Variants in DMXL1 observed in about 807,000 individuals in gnomAD.
The protein encoded by DMXL1 is Dmx like 1, also known as dmX-like protein 1.
A neutral mutation model predicts 319.2 loss-of-function variants in DMXL1; 99 were observed. That is an observed-to-expected ratio of 0.31 (90% CI 0.26 to 0.37). DMXL1 has a LOEUF of 0.37. Among genes scored for constraint, DMXL1 ranks in the 10% least tolerant of loss-of-function variants. The probability of loss-of-function intolerance (pLI) is 1.00; values close to 1 mark genes in which losing one functional copy is unlikely to be tolerated. For missense variants in DMXL1, 3,745 were observed against 3,595.6 expected (o/e 1.04, Z -1.06); for synonymous variants, 1,385 against 1,235.2 (o/e 1.12, Z -2.54).
intron 4 of DMXL1, among the ~76,000 whole-genome samples, 196 bp downstream of exon 4, chr5:119,105,454 T>G (rs1758126502): frequency 6.6e-6 from 1 of 152,202 alleles, no homozygotes; most frequent in Non-Finnish European, 1.5e-5. Flanking sequence ...GAGAATGTTC[T>G]AAGTGCCATA....
At chr5:119,199,584 T>G (rs987571978) in intron 32 of DMXL1, among the ~76,000 whole-genome samples, 2 of 152,174 alleles carry the variant, frequency 1.3e-5, no homozygotes, top group African/African-American at 4.8e-5. Flanking sequence ...ATATACCCAG[T>G]AATGGGTTTG....
chr5:119,209,087 C>T (rs1418388082), intron 34 of DMXL1, among the ~76,000 whole-genome samples: 3 of 152,164 alleles, frequency 2.0e-5, no homozygotes, highest in Non-Finnish European at 4.4e-5. Flanking sequence ...ATGGATATAC[C>T]ATAGTTTATT....
chr5:119,206,333 C>T (rs1781739055), intron 33 of DMXL1, among the ~76,000 whole-genome samples: 1 of 151,956 alleles, frequency 6.6e-6, no homozygotes, highest in Admixed American at 6.6e-5. Context: ...AGTGTATGTG[C>T]TTCCCAGCAA....
At chr5:119,216,853 C>T (rs775011137) in intron 34 of DMXL1, 48 bp from the exon 35 acceptor site, 2 of 979,078 alleles carry the variant, frequency 2.0e-6, no homozygotes, top group East Asian at 2.5e-5. Context: ...ATTATTAGTT[C>T]TATTACTAAA....
In DMXL1 at chr5:119,181,991, C is replaced by T. The variant is rs114021998; in HGVS notation, c.7135+3747C>T. On this transcript the variant is annotated intron_variant, in intron 28 of 43. Transcript: ENST00000539542. ...AGCATTGGCTTTCAATATAAAGTAACGTTCAGAAATCTCAGTTTTTTTAAG... is the reference window on the plus strand; with the variant it reads ...AGCATTGGCTTTCAATATAAAGTAATGTTCAGAAATCTCAGTTTTTTTAAG... Among the ~76,000 whole-genome samples the T allele has an allele frequency of 3.9e-3, 587 of 152,204 alleles. 4 individuals carry two copies. The highest frequency in any genetic ancestry group is 0.014 in the African/African-American group (578 of 41,546).
At chr5:119,197,084 G>A (rs1779771948) in intron 31 of DMXL1, among the ~76,000 whole-genome samples, 1 of 152,212 alleles carries the variant, frequency 6.6e-6, no homozygotes. Flanking sequence ...GTACTCAAGA[G>A]TATGGATGGG....
chr5:119,130,215 G>A (rs1374996908), intron 10 of DMXL1, among the ~76,000 whole-genome samples: 2 of 152,018 alleles, frequency 1.3e-5, no homozygotes, highest in Non-Finnish European at 2.9e-5. Flanking sequence ...TGTTAAGTTT[G>A]ATAAGTATCC....
At chr5:119,085,031 T>C (rs1185882190) in intron 1 of DMXL1, among the ~76,000 whole-genome samples, 2 of 151,794 alleles carry the variant, frequency 1.3e-5, no homozygotes, top group South Asian at 2.1e-4. Flanking sequence ...TTCACTTCTT[T>C]GGTTAAATTA....
chr5:119,148,525 TA>T (rs907106850), intron 17 of DMXL1, among the ~76,000 whole-genome samples: 2 of 152,154 alleles, frequency 1.3e-5, no homozygotes, highest in African/African-American at 4.8e-5. Context: ...CTGATGTCAT[TA>T]AAAGCCTCTT....
chr5:119,216,908 C>T lies in DMXL1; in HGVS notation c.7934C>T (p.Ala2645Val), dbSNP rs775183708. The T allele has an allele frequency of 1.3e-5, 20 of 1,586,398 alleles. No individual in the cohort carries two copies. In the South Asian group the frequency reaches 1.8e-4, roughly 15 times the overall value. ...TTGTTTCCTTTTATTTAGATAGAAG[C>T]AGATTTGGGATATCCTGGAGGTAAA... The part of the protein sequence containing the change: ...MEEPNINKIE[A>V]DLGYPGGKAR... The change falls in exon 35 of 44, where the codon GCA (alanine) becomes GTA (valine). Residue 2645 changes from alanine (A) to valine (V), a missense_variant. By Grantham distance (64) the Ala-to-Val change is moderately conservative (BLOSUM62 0). Transcript: ENST00000539542.
chr5:119,224,737 G>A lies in DMXL1; in HGVS notation c.8306G>A (p.Arg2769Lys). The change falls in exon 38 of 44, where the codon AGA becomes AAA. Residue 2769 changes from arginine to lysine, a missense_variant. Coordinates refer to ENST00000539542, the MANE Select transcript of DMXL1 (RefSeq NM_001290321.3). ...ATTAAGAAAGCCATTAATAATGTTA[G>A]AAGAATGACTTCTCATCCAACTCTT... is the stretch of plus-strand genomic sequence containing the variant. The part of the protein sequence containing the change: ...VMIKKAINNV[R>K]RMTSHPTLPY... 7.5e-7 allele frequency: 1 copy of A among 1,327,988 alleles called. No individual in the cohort carries two copies. Among genetic ancestry groups the A allele is most frequent in the Non-Finnish European group, 1.0e-6 (1 of 995,604 alleles). 82.3% of individuals were successfully genotyped at this position (1,327,988 alleles called of 1,614,324 possible).
At chr5:119,232,086 T>G (rs1449135525) in intron 38 of DMXL1, among the ~76,000 whole-genome samples, 1 of 152,156 alleles carries the variant, frequency 6.6e-6, no homozygotes, top group African/African-American at 2.4e-5. Flanking sequence ...GCTCAAGTGA[T>G]TCTTCTGCCT....
At chr5:119,122,821 T>C (rs11742146) in intron 9 of DMXL1, among the ~76,000 whole-genome samples, 28,183 of 144,916 alleles carry the variant, frequency 0.19, 3,569 homozygotes, top group East Asian at 0.4. Flanking sequence ...CTTTCCAGAC[T>C]GGGCAGCCAG....
At chr5:119,199,314 C>T (rs548445764) in intron 32 of DMXL1, among the ~76,000 whole-genome samples, 3 of 152,298 alleles carry the variant, frequency 2.0e-5, no homozygotes, top group African/African-American at 7.2e-5. Flanking sequence ...TAAGTGAGAA[C>T]ATACAGTGTT....
chr5:119,071,706 A>G (rs1386053533), intron 1 of DMXL1, 50 bp downstream of exon 1: 1 of 1,476,570 alleles, frequency 6.8e-7, no homozygotes, highest in Non-Finnish European at 9.1e-7. Flanking sequence ...TTTGCCCGTC[A>G]TTCTGGGCCG....
chr5:119,234,829 A>T (rs917928072), intron 39 of DMXL1, among the ~76,000 whole-genome samples: 11 of 152,148 alleles, frequency 7.2e-5, no homozygotes, highest in African/African-American at 2.4e-4. Context: ...TATAGGTGAG[A>T]TCACATTATT....
chr5:119,243,721 A>G (rs1789228831), intron 42 of DMXL1, among the ~76,000 whole-genome samples: 1 of 152,090 alleles, frequency 6.6e-6, no homozygotes, highest in African/African-American at 2.4e-5. Context: ...TAATTAACTT[A>G]AAATTATAAT....
In DMXL1 at chr5:119,143,946, G is replaced by T. The variant is rs569118471; in HGVS notation, c.2466+16G>T. The T allele has an allele frequency of 1.4e-6, 2 of 1,474,496 alleles. No homozygotes were observed. Among genetic ancestry groups the T allele is most frequent in the Admixed American group, 2.1e-5 (1 of 47,186 alleles). The allele number at this position is 1,474,496 out of a possible 1,614,324, so 91.3% of individuals were successfully genotyped here. ...TACCAAACTTGTAAGTATTAATTTT[G>T]GGGGGGAGGTATATTAAAAAAAAGT... On this transcript the variant is annotated intron_variant, in intron 14 of 43. Transcript: ENST00000539542.
chr5:119,200,288 A>C (rs79955896), intron 32 of DMXL1, among the ~76,000 whole-genome samples: 4,247 of 152,218 alleles, frequency 0.028, 183 homozygotes, highest in African/African-American at 0.097. Context: ...AATCTTCTGC[A>C]TTTGGCTAGC....
Sources: gnomAD v4.1 joint callset for allele counts (sites outside exome capture counted in the v4.1 genomes callset) on GRCh38, gnomAD v4.1.1 for gene constraint, MANE v1.5 for transcripts, NCBI Gene and HGNC (gene_info 2026-07-23, HGNC 2026-07-21) for gene names.